RCOR1: variants seen among roughly 807,000 people sequenced by gnomAD.
The protein encoded by RCOR1 is REST corepressor 1.
Under a neutral mutation model 64.0 loss-of-function variants are expected in RCOR1, and 12 were observed. The observed-to-expected ratio is 0.19, with a 90% CI of 0.12 to 0.30. RCOR1 has a LOEUF of 0.30. Among genes scored for constraint, RCOR1 ranks in the 10% least tolerant of loss-of-function variants. The pLI is 1.00. For synonymous variants in RCOR1, 279 were observed against 227.2 expected, an observed-to-expected ratio of 1.23 and a Z score of -2.05; for missense variants, 502 against 621.2, an observed-to-expected ratio of 0.81 and a Z score of 2.04.
chr14:102,620,395 C>T (rs1893850747), intron 2 of RCOR1, among the ~76,000 whole-genome samples: 1 of 152,152 alleles, frequency 6.6e-6, no homozygotes, highest in Non-Finnish European at 1.5e-5. Flanking sequence ...TGGAGAAACC[C>T]CATCTCTACT....
rs569026152 is a variant in RCOR1, at chr14:102,696,932, T to G, written c.446-4346T>G. On this transcript the variant is annotated intron_variant, in intron 3 of 11. Transcript: ENST00000262241. Reference sequence around the variant, plus strand: ...GTGGGAGGTTTTGAAAAGTGCACTTTTCATTTTCATTGCTGTCCTACCAGC... The same window carrying G: ...GTGGGAGGTTTTGAAAAGTGCACTTGTCATTTTCATTGCTGTCCTACCAGC... Among the ~76,000 whole-genome samples the G allele has an allele frequency of 5.3e-5, 8 of 152,086 alleles. No individual in the cohort carries two copies. The South Asian group carries it at 1.7e-3, about 32-fold the overall frequency.
chr14:102,729,832 A>G lies in RCOR1; in HGVS notation c.*3326A>G. 1 of 399,114 alleles carries G rather than the reference A, an allele frequency of 2.5e-6. No homozygotes were observed. Among genetic ancestry groups the G allele is most frequent in the Admixed American group, 4.4e-5 (1 of 22,740 alleles). The allele number at this position is 399,114 out of a possible 1,614,324, so 24.7% of individuals were successfully genotyped here. A position where few individuals can be genotyped will look rare whatever the true frequency, so the allele number is the denominator to read the frequency against. ...CTGCTTTTATGTGAGCTAAGGAAAG[A>G]TGGAGCCAACTCCAACGAGGGCCTC... On this transcript the variant is annotated 3_prime_UTR_variant, in exon 12 of 12. Coordinates refer to ENST00000262241, the MANE Select transcript of RCOR1 (RefSeq NM_015156.4).
In RCOR1 at chr14:102,598,919, C is replaced by T. The variant is rs940160283; in HGVS notation, c.361+5594C>T. On this transcript the variant is annotated intron_variant, in intron 2 of 11. Coordinates refer to ENST00000262241, the MANE Select transcript of RCOR1 (RefSeq NM_015156.4). Reference sequence around the variant, plus strand: ...CCTAAGTGCAGCCCTACACTTTTAACTTAGGCTTTGTTCTTACATGTGTTG... The same window carrying T: ...CCTAAGTGCAGCCCTACACTTTTAATTTAGGCTTTGTTCTTACATGTGTTG... 2.0e-5 allele frequency among the ~76,000 whole-genome samples: 3 copies of T among 151,892 alleles called. No individual in the cohort carries two copies. In the East Asian group the frequency reaches 5.8e-4, roughly 29 times the overall value.
intron 2 of RCOR1, among the ~76,000 whole-genome samples, chr14:102,635,747 G>T (rs1309129351): frequency 2.6e-5 from 4 of 151,856 alleles, no homozygotes; most frequent in East Asian, 1.9e-4. Context: ...TAACTTTTTG[G>T]TCGAGTCCTG....
intron 2 of RCOR1, among the ~76,000 whole-genome samples, chr14:102,676,215 G>A (rs1317843611): frequency 2.7e-5 from 4 of 150,202 alleles, no homozygotes; most frequent in Non-Finnish European, 5.9e-5. Context: ...CATCCCCAAT[G>A]AGCCGCTGGG....
At chr14:102,627,568 A>G (rs1257436741) in intron 2 of RCOR1, among the ~76,000 whole-genome samples, 4 of 151,760 alleles carry the variant, frequency 2.6e-5, no homozygotes, top group African/African-American at 7.3e-5. Flanking sequence ...GAGGCAGGAG[A>G]ATCGCTTGAA....
At chr14:102,613,472 G>A (rs548957421) in intron 2 of RCOR1, among the ~76,000 whole-genome samples, 20 of 142,182 alleles carry the variant, frequency 1.4e-4, no homozygotes, top group South Asian at 6.6e-4. Flanking sequence ...TCGTTCTGTC[G>A]CCCAGGCGGG....
At chr14:102,671,523 G>A (rs1482359508) in intron 2 of RCOR1, among the ~76,000 whole-genome samples, 6 of 152,166 alleles carry the variant, frequency 3.9e-5, no homozygotes, top group Admixed American at 3.3e-4. Context: ...ACCCTCTGAA[G>A]TAGCTGGGAC....
chr14:102,710,681 G>A (rs1047532443), intron 6 of RCOR1: 1 of 440,154 alleles, frequency 2.3e-6, no homozygotes, highest in Non-Finnish European at 4.0e-6. Context: ...TTTTAGATCT[G>A]GATTGGGAAG....
At chr14:102,691,923 A>C (rs1308459230) in intron 3 of RCOR1, among the ~76,000 whole-genome samples, 1 of 152,194 alleles carries the variant, frequency 6.6e-6, no homozygotes, top group Non-Finnish European at 1.5e-5. Flanking sequence ...CCCATCTAGA[A>C]TATATATGCT....
chr14:102,655,974 C>T (rs1183884282), intron 2 of RCOR1: 2 of 983,854 alleles, frequency 2.0e-6, no homozygotes, highest in African/African-American at 3.5e-5. Context: ...CACACACACA[C>T]ACACACACAC....
intron 2 of RCOR1, among the ~76,000 whole-genome samples, chr14:102,677,116 A>C (rs74533539): frequency 2.1e-5 from 2 of 97,194 alleles, no homozygotes; most frequent in Admixed American, 2.1e-4. Flanking sequence ...CGGGCCGAGG[A>C]GCCCCTCACC....
Position 102,726,584 on chromosome 14 carries a change from C to A in RCOR1, c.*78C>A. 2 of 1,184,808 alleles carry A rather than the reference C, an allele frequency of 1.7e-6. No homozygotes were observed. Among genetic ancestry groups the A allele is most frequent in the South Asian group, 1.3e-5 (1 of 77,036 alleles). 73.4% of individuals were successfully genotyped at this position (1,184,808 alleles called of 1,614,324 possible). ...CAGGTATTATGAGACATCACCTAGC[C>A]ATCTGCATCACATCTCTCTGGACAA... On this transcript the variant is annotated 3_prime_UTR_variant, in exon 12 of 12. Transcript: ENST00000262241.
chr14:102,637,362 A>C (rs1420773904), intron 2 of RCOR1, among the ~76,000 whole-genome samples: 1 of 151,974 alleles, frequency 6.6e-6, no homozygotes, highest in African/African-American at 2.4e-5. Flanking sequence ...TCCTGACCTC[A>C]GTTGATCTAC....
In RCOR1 at chr14:102,592,732, C is replaced by G. The variant is rs903221034; in HGVS notation, c.-155C>G. On this transcript the variant is annotated 5_prime_UTR_variant, in exon 1 of 12. Coordinates refer to ENST00000262241, the MANE Select transcript of RCOR1 (RefSeq NM_015156.4). ...GGGCTTGAAGCGGCTCCGCGCTCTG[C>G]CCGTTTGGGCCTCCCCCGACTCGGA... 3 of 1,223,226 alleles carry G rather than the reference C, an allele frequency of 2.5e-6. No homozygotes were observed. Among genetic ancestry groups the G allele is most frequent in the African/African-American group, 3.1e-5 (2 of 63,772 alleles). 75.8% of individuals were successfully genotyped at this position (1,223,226 alleles called of 1,614,324 possible).
At chr14:102,699,915 G>C (rs1187602569) in intron 3 of RCOR1, among the ~76,000 whole-genome samples, 1 of 152,072 alleles carries the variant, frequency 6.6e-6, no homozygotes, top group Non-Finnish European at 1.5e-5. Context: ...ATTCATCTTT[G>C]GGGGTGGCAG....
intron 2 of RCOR1, among the ~76,000 whole-genome samples, chr14:102,613,644 T>A (rs910171081): frequency 1.3e-5 from 2 of 151,090 alleles, no homozygotes; most frequent in African/African-American, 4.8e-5. Context: ...ATGGTCTCGA[T>A]CTCCTGACCT....
chr14:102,657,175 T>C (rs1894744299), intron 2 of RCOR1: 2 of 985,134 alleles, frequency 2.0e-6, no homozygotes, highest in Non-Finnish European at 1.2e-6. Flanking sequence ...GTGAAAAATA[T>C]TTTTGAGGAT....
At chr14:102,634,650 ATG>A (rs1429523149) in intron 2 of RCOR1, among the ~76,000 whole-genome samples, 1 of 142,964 alleles carries the variant, frequency 7.0e-6, no homozygotes, top group Non-Finnish European at 1.5e-5. Context: ...ATATATATAT[ATG>A]TATATATATA....
Sources: gnomAD v4.1 joint callset for allele counts (sites outside exome capture counted in the v4.1 genomes callset) on GRCh38, gnomAD v4.1.1 for gene constraint, MANE v1.5 for transcripts, NCBI Gene and HGNC (gene_info 2026-07-23, HGNC 2026-07-21) for gene names.